The following TBC1D9 variants were observed in gnomAD, a reference collection of about 807,000 sequenced individuals.
TBC1D9 encodes TBC1 domain family member 9A.
Under a neutral mutation model 132.0 loss-of-function variants are expected in TBC1D9, and 63 were observed. The observed-to-expected ratio is 0.48, with a 90% CI of 0.39 to 0.59. TBC1D9 has a LOEUF of 0.59. Among genes scored for constraint, TBC1D9 ranks in the 20% least tolerant of loss-of-function variants. TBC1D9 has a pLI of 0.00. For synonymous variants in TBC1D9, 610 were observed against 609.9 expected, an observed-to-expected ratio of 1.00 and a Z score of 0.00; for missense variants, 1,261 against 1,592.7, an observed-to-expected ratio of 0.79 and a Z score of 3.54.
chr4:140,689,476 C>G (rs1377796592), intron 2 of TBC1D9, among the ~76,000 whole-genome samples: 2 of 78,670 alleles, frequency 2.5e-5, no homozygotes, highest in African/African-American at 1.0e-4. Context: ...CCCTTCCCTT[C>G]CCCTTTTTCC....
At chr4:140,688,421 T>C (rs1393741571) in intron 2 of TBC1D9, among the ~76,000 whole-genome samples, 2 of 152,156 alleles carry the variant, frequency 1.3e-5, no homozygotes, top group Non-Finnish European at 2.9e-5. Flanking sequence ...ATCCCAGTGC[T>C]TTCGGAGGCA....
In TBC1D9 at chr4:140,636,620, C is replaced by G. The variant is rs959887572; in HGVS notation, c.2506-2432G>C. On this transcript the variant is annotated intron_variant, in intron 15 of 20. Transcript: ENST00000442267. The stretch of plus-strand genomic sequence containing the variant: ...CAGGCTGGTCTAGAACTCCTGGGCT[C>G]CAGCACTCCACCCTCCCACCTCAGC... Among the ~76,000 whole-genome samples, 4 of 152,106 alleles carry G rather than the reference C, an allele frequency of 2.6e-5. No individual in the cohort carries two copies. The East Asian group carries it at 5.8e-4, about 22-fold the overall frequency.
At chr4:140,637,050 C>T (rs1736892235) in intron 15 of TBC1D9, among the ~76,000 whole-genome samples, 1 of 152,140 alleles carries the variant, frequency 6.6e-6, no homozygotes, top group Non-Finnish European at 1.5e-5. Context: ...GCAGCAGTGC[C>T]CAGGTTAAGA....
At chr4:140,679,302 C>G (rs1737671119) in intron 4 of TBC1D9, 99 bp from the exon 5 acceptor site, 3 of 1,296,084 alleles carry the variant, frequency 2.3e-6, no homozygotes, top group African/African-American at 3.0e-5. Context: ...CACTGAACTC[C>G]TTTGAGTTTA....
intron 1 of TBC1D9, chr4:140,712,076 C>G (rs1248577817): frequency 2.0e-5 from 3 of 152,216 alleles, no homozygotes; most frequent in African/African-American, 7.2e-5. Flanking sequence ...CATGGTTATA[C>G]TAACGCTGCT....
intron 1 of TBC1D9, among the ~76,000 whole-genome samples, chr4:140,712,788 A>ATAGATAG (rs1738271667): frequency 2.7e-5 from 3 of 111,198 alleles, no homozygotes; most frequent in Non-Finnish European, 5.7e-5. Flanking sequence ...TAGATAGATA[A>ATAGATAG]ATGGGATCCT....
chr4:140,725,179 T>A (rs72720315), intron 1 of TBC1D9, among the ~76,000 whole-genome samples: 6,900 of 152,084 alleles, frequency 0.045, 212 homozygotes, highest in South Asian at 0.097. Flanking sequence ...GAGGAGTAAA[T>A]AAAATGATGG....
intron 5 of TBC1D9, 114 bp downstream of exon 5, chr4:140,678,828 C>A (rs1373398769): frequency 1.1e-5 from 14 of 1,303,402 alleles, no homozygotes; most frequent in Non-Finnish European, 1.5e-5. Context: ...TGTATCTATA[C>A]ACAGAAGAGT....
At chr4:140,649,901 C>G (rs934088274) in intron 13 of TBC1D9, among the ~76,000 whole-genome samples, 3 of 152,208 alleles carry the variant, frequency 2.0e-5, no homozygotes, top group Non-Finnish European at 4.4e-5. Context: ...GGAACACCCT[C>G]ATAACTCTGC....
At chr4:140,664,769 G>A (rs1322103338) in intron 9 of TBC1D9, among the ~76,000 whole-genome samples, 6 of 152,146 alleles carry the variant, frequency 3.9e-5, no homozygotes, top group African/African-American at 1.4e-4. Flanking sequence ...ATATCCATAC[G>A]GAAAAGAATG....
rs529593910 is a variant in TBC1D9 at position 140,726,305 on chromosome 4, T to A, written c.131-24691A>T. On this transcript the variant is annotated intron_variant, in intron 1 of 20. Transcript: ENST00000442267. Reference sequence around the variant, plus strand: ...CTCCGCCTCAGAAAAAAAAAAATTTTAAAAATTTTAAAAAGTATATTTGTG... The same window carrying A: ...CTCCGCCTCAGAAAAAAAAAAATTTAAAAAATTTTAAAAAGTATATTTGTG... 6.1e-4 allele frequency among the ~76,000 whole-genome samples: 93 copies of A among 152,188 alleles called. 1 individual carries two copies. The East Asian group carries it at 7.0e-3, about 11-fold the overall frequency.
At chr4:140,735,198 C>T (rs1385126895) in intron 1 of TBC1D9, among the ~76,000 whole-genome samples, 1 of 152,160 alleles carries the variant, frequency 6.6e-6, no homozygotes, top group Non-Finnish European at 1.5e-5. Flanking sequence ...AGATGATTAA[C>T]CCTAAAGAAA....
intron 11 of TBC1D9, among the ~76,000 whole-genome samples, 196 bp from the exon 12 acceptor site, chr4:140,658,008 G>A (rs1241853301): frequency 6.6e-6 from 1 of 152,040 alleles, no homozygotes; most frequent in Non-Finnish European, 1.5e-5. Flanking sequence ...TCTCTTTCTG[G>A]GCTCTTCCTG....
intron 1 of TBC1D9, among the ~76,000 whole-genome samples, chr4:140,747,202 A>G (rs1246716785): frequency 1.3e-5 from 2 of 151,980 alleles, no homozygotes; most frequent in Admixed American, 6.6e-5. Context: ...ATACAAAAAA[A>G]TTAGCCAGGC....
chr4:140,669,167 ACAAT>A, intron 8 of TBC1D9, 100 bp from the exon 9 acceptor site: 1 of 1,188,982 alleles, frequency 8.4e-7, no homozygotes, highest in Admixed American at 2.6e-5. Context: ...GAACGGAGTG[ACAAT>A]TCCAGAAAGA....
At chr4:140,668,831 CCT>C in intron 9 of TBC1D9, 84 bp downstream of exon 9, 2 of 1,443,988 alleles carry the variant, frequency 1.4e-6, no homozygotes, top group Non-Finnish European at 9.4e-7. Context: ...TGAAAGAACC[CCT>C]GAGGCATGAC....
chr4:140,679,585 A>G, intron 4 of TBC1D9, 30 bp downstream of exon 4: 1 of 1,561,906 alleles, frequency 6.4e-7, no homozygotes, highest in Non-Finnish European at 8.8e-7. Flanking sequence ...GACTTTCCAA[A>G]GTTTCCTGCT....
intron 15 of TBC1D9, among the ~76,000 whole-genome samples, chr4:140,634,451 G>A (rs1736845892): frequency 6.6e-6 from 1 of 152,122 alleles, no homozygotes; most frequent in Admixed American, 6.6e-5. Context: ...AAGAAAGAAA[G>A]GGAACTCTCC....
chr4:140,650,638 T>C (rs1737173949), intron 13 of TBC1D9, among the ~76,000 whole-genome samples: 1 of 152,204 alleles, frequency 6.6e-6, no homozygotes, highest in African/African-American at 2.4e-5. Flanking sequence ...GTTCAATCGA[T>C]TCTCTTGCCT....
Sources: gnomAD v4.1 joint callset for allele counts (sites outside exome capture counted in the v4.1 genomes callset) on GRCh38, gnomAD v4.1.1 for gene constraint, MANE v1.5 for transcripts, NCBI Gene and HGNC (gene_info 2026-07-23, HGNC 2026-07-21) for gene names.